ACOT7: variants seen among roughly 807,000 people sequenced by gnomAD.
The protein encoded by ACOT7 is acyl-CoA thioesterase 7, also known as cytosolic acyl coenzyme A thioester hydrolase.
ACOT7 carries 12 observed loss-of-function variants against 40.2 expected under a neutral mutation model. The observed-to-expected ratio is 0.30, with a 90% CI of 0.19 to 0.48. ACOT7 has a LOEUF of 0.48. Among genes scored for constraint, ACOT7 ranks in the 20% least tolerant of loss-of-function variants. The pLI is 0.99. For synonymous variants in ACOT7, 228 were observed against 219.5 expected (o/e 1.04, Z -0.34); for missense variants, 395 against 530.8 (o/e 0.74, Z 2.51).
At chr1:6,307,511 G>A (rs1238932925) in intron 6 of ACOT7, among the ~76,000 whole-genome samples, 2 of 152,256 alleles carry the variant, frequency 1.3e-5, no homozygotes, top group African/African-American at 2.4e-5. Flanking sequence ...TATACAGAGT[G>A]CTCATGAGAG....
intron 8 of ACOT7, among the ~76,000 whole-genome samples, chr1:6,279,579 G>C (rs889650223): frequency 6.6e-6 from 1 of 152,190 alleles, no homozygotes; most frequent in East Asian, 1.9e-4. Flanking sequence ...GCCGTGCTGG[G>C]GGCACCCACC....
intron 1 of ACOT7, among the ~76,000 whole-genome samples, chr1:6,377,314 T>C (rs1457342250): frequency 2.0e-5 from 3 of 152,078 alleles, no homozygotes; most frequent in African/African-American, 4.8e-5. Flanking sequence ...GGCGGGAAGA[T>C]CACTTGAGCC....
At position 6,352,459 on chromosome 1, in the gene ACOT7, C is replaced by T. The variant is rs572903873; in HGVS notation, c.144-2593G>A. Among the ~76,000 whole-genome samples, 8 of 152,266 alleles carry T rather than the reference C, an allele frequency of 5.3e-5. No homozygotes were observed. The South Asian group carries it at 8.3e-4, about 16-fold the overall frequency. On this transcript the variant is annotated intron_variant, in intron 1 of 8. Transcript: ENST00000361521. This position sits in a 1 kb window ranked among gnomAD's most constrained non-coding sequence, Gnocchi z 4.5. Reference sequence around the variant, plus strand: ...CTCTGTCACTCTCTCAGGCCCCGCCCCATGGCCTGGCCAAGGCCAACCGTG... The same window carrying T: ...CTCTGTCACTCTCTCAGGCCCCGCCTCATGGCCTGGCCAAGGCCAACCGTG...
chr1:6,264,316 T>A lies in ACOT7; in HGVS notation c.*281A>T. ...TATTAGTGGTGCTGGGTTCTTCCCA[T>A]ACCCTACAGCGTGCTCGGAAGCATT... is the stretch of plus-strand genomic sequence containing the variant. On this transcript the variant is annotated 3_prime_UTR_variant, in exon 9 of 9. Coordinates refer to ENST00000361521, the MANE Select transcript of ACOT7 (RefSeq NM_007274.4). The A allele has an allele frequency of 2.4e-6, 1 of 423,358 alleles. No homozygotes were observed. The highest frequency in any genetic ancestry group is 4.2e-6 in the Non-Finnish European group (1 of 239,322). The allele number at this position is 423,358 out of a possible 1,614,324, so 26.2% of individuals were successfully genotyped here. A position where few individuals can be genotyped will look rare whatever the true frequency, so the allele number is the denominator to read the frequency against.
At position 6,275,387 on chromosome 1, in the gene ACOT7, C is replaced by T. The variant is rs1176145533; in HGVS notation, c.1014+5715G>A. Among the ~76,000 whole-genome samples the T allele has an allele frequency of 2.0e-5, 3 of 152,136 alleles. No homozygotes were observed. On this transcript the variant is annotated intron_variant, in intron 8 of 8. Coordinates refer to ENST00000361521, the MANE Select transcript of ACOT7 (RefSeq NM_007274.4). The surrounding 1 kb of genome is among the most constrained non-coding windows in gnomAD (Gnocchi z 5.6). ...CAACAGGGTGCGTTTTCCCTGAGTT[C>T]TTGGAACTCCCCTGGCTATGCATGA...
chr1:6,342,522 C>T (rs1641304728), intron 2 of ACOT7, among the ~76,000 whole-genome samples: 1 of 152,224 alleles, frequency 6.6e-6, no homozygotes. Flanking sequence ...TGGCTATTCA[C>T]AGGCACAATC....
chr1:6,370,858 T>C (rs1642120777), intron 1 of ACOT7, among the ~76,000 whole-genome samples: 1 of 151,902 alleles, frequency 6.6e-6, no homozygotes, highest in African/African-American at 2.4e-5. Context: ...TTGCCCAGGC[T>C]GGAGTGCAGT....
intron 7 of ACOT7, among the ~76,000 whole-genome samples, chr1:6,292,183 A>G (rs2148392464): frequency 6.6e-6 from 1 of 152,362 alleles, no homozygotes; most frequent in East Asian, 1.9e-4. Context: ...AAATTCCTCT[A>G]TACACAAAAC....
intron 8 of ACOT7, among the ~76,000 whole-genome samples, chr1:6,279,596 T>C (rs1639295262): frequency 6.6e-6 from 1 of 152,192 alleles, no homozygotes. Context: ...CACCACTCAC[T>C]TTCCTTCCTT....
At position 6,294,066 on chromosome 1, in the gene ACOT7, CCAA is replaced by C. The variant is rs1160438875; in HGVS notation, c.829+795_829+797del. ...GGGCTGGTCTCAGCCAACAGCTCCTCCAACAAGCCGCTTTAATGAGGTGGTGTC... is the reference window on the plus strand; with the variant it reads ...GGGCTGGTCTCAGCCAACAGCTCCTCCAAGCCGCTTTAATGAGGTGGTGTC... On this transcript the variant is annotated intron_variant, in intron 7 of 8. Transcript: ENST00000361521. This position sits in a 1 kb window ranked among gnomAD's most constrained non-coding sequence, Gnocchi z 4.6. Among the ~76,000 whole-genome samples, 1 of 152,250 alleles carries C rather than the reference CCAA, an allele frequency of 6.6e-6. No individual in the cohort carries two copies. Among genetic ancestry groups the C allele is most frequent in the Non-Finnish European group, 1.5e-5 (1 of 68,040 alleles).
At chr1:6,292,327 G>A (rs932898615) in intron 7 of ACOT7, among the ~76,000 whole-genome samples, 1 of 152,264 alleles carries the variant, frequency 6.6e-6, no homozygotes, top group Non-Finnish European at 1.5e-5. Flanking sequence ...GGTGTGGCTT[G>A]GGACAGCGGG....
At chr1:6,284,864 G>A (rs1467969435) in intron 7 of ACOT7, among the ~76,000 whole-genome samples, 2 of 152,094 alleles carry the variant, frequency 1.3e-5, no homozygotes, top group Non-Finnish European at 2.9e-5. Context: ...GGCCCCCGTG[G>A]TCTCTCCCTA....
In ACOT7 at chr1:6,349,752, G is replaced by T. The variant is rs376851666; in HGVS notation, c.258C>A (p.Asn86Lys). Residue 86 changes from asparagine to lysine, a missense_variant, in exon 2 of 9, where the codon AAC (asparagine) becomes AAA (lysine). Physicochemically the swap from Asn to Lys is moderately conservative, Grantham distance 94. Around this residue, in one of 2 missense-constraint regions of ACOT7, gnomAD observed 309 missense variants for 470.3 expected, o/e 0.66. Coordinates refer to ENST00000361521, the MANE Select transcript of ACOT7 (RefSeq NM_007274.4). Reference protein sequence around the residue: ...IISTRHCNSQNGERCVAALAR... With the variant: ...IISTRHCNSQKGERCVAALAR... The stretch of plus-strand genomic sequence containing the variant: ...GGTATGGGGCCCAGACCCTTACCCC[G>T]TTCTGGCTGTTGCAATGCCGGGTGC... 6.2e-7 allele frequency: 1 copy of T among 1,613,036 alleles called. No homozygotes were observed. The highest frequency in any genetic ancestry group is 8.5e-7 in the Non-Finnish European group (1 of 1,179,612).
chr1:6,388,541 C>A (rs1274327600), intron 1 of ACOT7, among the ~76,000 whole-genome samples: 1 of 149,186 alleles, frequency 6.7e-6, no homozygotes, highest in African/African-American at 2.5e-5. Flanking sequence ...GAGTTCGAGA[C>A]CAGCCTGGCA....
intron 8 of ACOT7, among the ~76,000 whole-genome samples, chr1:6,272,350 A>G (rs529778895): frequency 6.6e-6 from 1 of 152,366 alleles, no homozygotes; most frequent in South Asian, 2.1e-4. Flanking sequence ...CTTCTGCTCA[A>G]TGAACACTGG....
intron 7 of ACOT7, among the ~76,000 whole-genome samples, chr1:6,292,637 T>C (rs1361999233): frequency 6.6e-6 from 1 of 151,972 alleles, no homozygotes; most frequent in African/African-American, 2.4e-5. Flanking sequence ...TAATTCTGGT[T>C]GTACAAGGAG....
chr1:6,307,810 G>GGAGGGAACTGTGACCGGGCA (rs1640200829), intron 6 of ACOT7, among the ~76,000 whole-genome samples: 2 of 148,628 alleles, frequency 1.3e-5, no homozygotes, highest in Non-Finnish European at 3.0e-5. Context: ...AGCCACAGGT[G>GGAGGGAACTGTGACCGGGCA]GAGGGAACTG....
At chr1:6,333,685 A>G (rs1641023085) in intron 3 of ACOT7, 117 bp from the exon 4 acceptor site, 1 of 952,332 alleles carries the variant, frequency 1.1e-6, no homozygotes, top group South Asian at 1.5e-5. Flanking sequence ...AACACACCAC[A>G]GTGTGCACCA....
chr1:6,348,417 A>G (rs575688932), intron 2 of ACOT7, among the ~76,000 whole-genome samples: 19 of 152,100 alleles, frequency 1.2e-4, no homozygotes, highest in Non-Finnish European at 2.8e-4. Flanking sequence ...GGCTGAATGC[A>G]TGTGCCATGC....
Sources: allele counts gnomAD v4.1 joint callset (sites outside exome capture counted in the v4.1 genomes callset), GRCh38; gene constraint gnomAD v4.1.1; regional missense constraint gnomAD v4.1.1; non-coding constraint Gnocchi (gnomAD v3.1); transcripts MANE v1.5; gene names NCBI Gene and HGNC (gene_info 2026-07-23, HGNC 2026-07-21).